CASP6: variants seen among roughly 807,000 people sequenced by gnomAD.
CASP6 encodes the protein caspase 6.
A neutral mutation model predicts 31.8 loss-of-function variants in CASP6; 20 were observed. The ratio of observed to expected loss-of-function variants is 0.63; its 90% CI spans 0.44 to 0.91. The LOEUF (loss-of-function observed/expected upper bound fraction) is 0.91. CASP6 is among the 40% of genes least tolerant of loss of function. The probability of loss-of-function intolerance (pLI) is 0.00; values close to 1 mark genes in which losing one functional copy is unlikely to be tolerated. For synonymous variants in CASP6, 130 were observed against 127.8 expected, an observed-to-expected ratio of 1.02 and a Z score of -0.12; for missense variants, 328 against 361.1, an observed-to-expected ratio of 0.91 and a Z score of 0.74.
chr4:109,684,553 G>A, downstream of CASP6: 4 of 1,610,266 alleles, frequency 2.5e-6, no homozygotes, highest in Non-Finnish European at 3.4e-6. Flanking sequence ...TCACGTGGTG[G>A]GTGTACTCCT....
chr4:109,704,137 A>C (rs1477098933), upstream of CASP6, among the ~76,000 whole-genome samples: 1 of 152,186 alleles, frequency 6.6e-6, no homozygotes, highest in African/African-American at 2.4e-5. Flanking sequence ...CTGGAAACAC[A>C]ATTTTGAAAT....
At chr4:109,675,100 AAAAAG>A in the CASP6 span, among the ~76,000 whole-genome samples, 12 of 152,294 alleles carry the variant, frequency 7.9e-5, no homozygotes, top group African/African-American at 2.9e-4. Flanking sequence ...CAAAAAGAAA[AAAAAG>A]AAAAGGAAAA....
At chr4:109,703,628 C>A, upstream of CASP6, 1 of 573,076 alleles carries the variant, frequency 1.7e-6, no homozygotes, top group South Asian at 2.3e-5. Context: ...AGCGCGGGGG[C>A]AGGGAGAGGT....
At chr4:109,679,787 TTTG>T in the CASP6 span, among the ~76,000 whole-genome samples, 376 of 151,570 alleles carry the variant, frequency 2.5e-3, 2 homozygotes, top group African/African-American at 8.4e-3. Context: ...GAGGTATAAT[TTTG>T]TTGTTGTTGT....
chr4:109,692,063 C>T (rs890920349), intron 5 of CASP6: 2 of 152,192 alleles, frequency 1.3e-5, no homozygotes, highest in Non-Finnish European at 2.9e-5. Context: ...ATAAATGCAT[C>T]AATCAGTTCT....
the CASP6 span, chr4:109,682,810 G>A: frequency 8.1e-7 from 1 of 1,240,542 alleles, no homozygotes; most frequent in Non-Finnish European, 1.1e-6. Context: ...CTCCTCATGT[G>A]AGCATTTTTC....
chr4:109,695,068 G>A (rs1011800603), intron 4 of CASP6, among the ~76,000 whole-genome samples: 2 of 152,088 alleles, frequency 1.3e-5, no homozygotes, highest in South Asian at 2.1e-4. Flanking sequence ...GACCTCAGGT[G>A]ATCCACCTCG....
downstream of CASP6, chr4:109,688,186 T>A (rs1729895904): frequency 6.6e-6 from 1 of 152,268 alleles, no homozygotes; most frequent in African/African-American, 2.4e-5. Flanking sequence ...ATCACAAGTT[T>A]CAGGTATCGA....
the CASP6 span, among the ~76,000 whole-genome samples, chr4:109,678,206 T>C: frequency 3.9e-5 from 6 of 152,112 alleles, no homozygotes. Flanking sequence ...GAGTCTCCTA[T>C]GTCTACTTCT....
At chr4:109,677,305 T>C in the CASP6 span, among the ~76,000 whole-genome samples, 1 of 152,306 alleles carries the variant, frequency 6.6e-6, no homozygotes, top group South Asian at 2.1e-4. Context: ...GATTTCAGAC[T>C]CACAGCTGGA....
chr4:109,694,720 G>C lies in CASP6; in HGVS notation c.308-20C>G, dbSNP rs779098064. On this transcript the variant is annotated intron_variant, in intron 4 of 6. Transcript: ENST00000265164. ...TTGACACTATAAAGGACCCAAAAGA[G>C]AATATAGAAATGAAAATATGATGCT... The C allele has an allele frequency of 6.7e-7, 1 of 1,488,460 alleles. No homozygotes were observed. The highest frequency in any genetic ancestry group is 8.9e-7 in the Non-Finnish European group (1 of 1,117,918). The allele number at this position is 1,488,460 out of a possible 1,614,324, so 92.2% of individuals were successfully genotyped here.
At chr4:109,705,990 AAAAAAAAAAAAAT>A (rs1488855872), upstream of CASP6, among the ~76,000 whole-genome samples, 1 of 71,306 alleles carries the variant, frequency 1.4e-5, no homozygotes, top group African/African-American at 7.7e-5. Flanking sequence ...AAAAAAAAAA[AAAAAAAAAAAAAT>A]ATATATATAT....
upstream of CASP6, among the ~76,000 whole-genome samples, chr4:109,706,997 C>A (rs1730634009): frequency 6.6e-6 from 1 of 152,206 alleles, no homozygotes; most frequent in African/African-American, 2.4e-5. Flanking sequence ...CCACCCTAAT[C>A]AGTCAGCAGC....
At position 109,689,224 on chromosome 4, in the gene CASP6, G is replaced by A. The variant is rs991611809; in HGVS notation, c.*106C>T. ...TCGAACTCCCGACCTCAGGTGATCC[G>A]CCCACCTTGGACTCCCAAAGTGCTG... is the stretch of plus-strand genomic sequence containing the variant. On this transcript the variant is annotated 3_prime_UTR_variant, in exon 7 of 7. Transcript: ENST00000265164. 3.6e-5 allele frequency: 37 copies of A among 1,016,394 alleles called. No individual in the cohort carries two copies. Among genetic ancestry groups the A allele is most frequent in the Admixed American group, 2.0e-4 (10 of 50,942 alleles). 63.0% of individuals were successfully genotyped at this position (1,016,394 alleles called of 1,614,324 possible).
At chr4:109,675,619 A>G in the CASP6 span, among the ~76,000 whole-genome samples, 1 of 152,154 alleles carries the variant, frequency 6.6e-6, no homozygotes, top group South Asian at 2.1e-4. Flanking sequence ...CTGTACTTTG[A>G]GTATGTTTCC....
chr4:109,703,509 G>A (rs1014369477), upstream of CASP6: 24 of 1,370,570 alleles, frequency 1.8e-5, no homozygotes, highest in South Asian at 3.1e-4. Context: ...GCCCCCGAGC[G>A]TGGGGCCAGT....
chr4:109,706,706 AGCCCAGACTGGCCAACATG>A (rs1730627990), upstream of CASP6, among the ~76,000 whole-genome samples: 1 of 152,176 alleles, frequency 6.6e-6, no homozygotes, highest in Non-Finnish European at 1.5e-5. Context: ...CAGGAGTTCG[AGCCCAGACTGGCCAACATG>A]GCAAAACCCT....
chr4:109,705,974 TAAAAAAAAAAAA>T (rs59584573), upstream of CASP6, among the ~76,000 whole-genome samples: 25 of 29,388 alleles, frequency 8.5e-4, no homozygotes, highest in African/African-American at 2.0e-3. Flanking sequence ...AGACACTCTT[TAAAAAAAAAAAA>T]AAAAAAAAAA....
upstream of CASP6, among the ~76,000 whole-genome samples, chr4:109,705,662 G>C (rs1730577729): frequency 6.6e-6 from 1 of 151,444 alleles, no homozygotes; most frequent in African/African-American, 2.4e-5. Context: ...ACTAGAGGGG[G>C]AAAAAAAGAA....
Sources: allele counts gnomAD v4.1 joint callset (sites outside exome capture counted in the v4.1 genomes callset), GRCh38; gene constraint gnomAD v4.1.1; transcripts MANE v1.5; gene names NCBI Gene and HGNC (gene_info 2026-07-23, HGNC 2026-07-21).